The following TRAPPC10 variants were observed in gnomAD, a reference collection of about 807,000 sequenced individuals.
The protein encoded by TRAPPC10 is trafficking protein particle complex subunit 10, also known as TRAPP 130 kDa subunit.
TRAPPC10 carries 23 observed loss-of-function variants against 125.5 expected under a neutral mutation model. The observed-to-expected ratio is 0.18, with a 90% CI of 0.13 to 0.26. TRAPPC10 has a LOEUF of 0.26. Ranked by LOEUF, TRAPPC10 falls within the 10% of genes least tolerant of loss-of-function variation. The pLI, the probability that TRAPPC10 is intolerant of heterozygous loss-of-function variation, is 1.00. For synonymous variants in TRAPPC10, 509 were observed against 518.0 expected, an observed-to-expected ratio of 0.98 and a Z score of 0.24; for missense variants, 1,123 against 1,308.4, an observed-to-expected ratio of 0.86 and a Z score of 2.19.
chr21:44,081,005 CTTTTTTTTTTTCTTTT>C (rs1221476587), intron 13 of TRAPPC10, among the ~76,000 whole-genome samples: 1 of 103,870 alleles, frequency 9.6e-6, no homozygotes, highest in Non-Finnish European at 2.2e-5. Context: ...TATTATTGTT[CTTTTTTTTTTTCTTTT>C]TTTTTTTTTT....
intron 1 of TRAPPC10, among the ~76,000 whole-genome samples, chr21:44,016,718 G>T (rs553824523): frequency 8.5e-4 from 129 of 152,258 alleles, no homozygotes; most frequent in Non-Finnish European, 3.1e-4. Flanking sequence ...GAGTGCAGTG[G>T]TGTGATCTTG....
chr21:44,095,159 C>T (rs1339538261), intron 20 of TRAPPC10, among the ~76,000 whole-genome samples: 1 of 150,972 alleles, frequency 6.6e-6, no homozygotes, highest in African/African-American at 2.4e-5. Context: ...ATTATCTTCC[C>T]ACCTCAGCCT....
intron 7 of TRAPPC10, 67 bp from the exon 8 acceptor site, chr21:44,074,257 T>C: frequency 1.3e-6 from 2 of 1,596,174 alleles, no homozygotes; most frequent in Admixed American, 1.7e-5. Context: ...AGCTAGAGCA[T>C]GTGGGTTTGT....
chr21:44,056,748 C>T (rs575958876), intron 5 of TRAPPC10, among the ~76,000 whole-genome samples: 32 of 152,204 alleles, frequency 2.1e-4, no homozygotes, highest in South Asian at 6.2e-4. Flanking sequence ...GCAACAGCTC[C>T]GGCCTGGTTT....
In TRAPPC10 at chr21:44,030,554, G is replaced by A. The variant is rs142741901; in HGVS notation, c.68-1537G>A. ...GCAATCTTGGCTCACTGCAACCTCC[G>A]CCTTCCGGTTCAAGCGATTCTCCTG... On this transcript the variant is annotated intron_variant, in intron 1 of 22. Transcript: ENST00000291574. 8.2e-4 allele frequency among the ~76,000 whole-genome samples: 125 copies of A among 151,788 alleles called. 2 individuals carry two copies. The East Asian group carries it at 0.018, about 22-fold the overall frequency.
intron 1 of TRAPPC10, among the ~76,000 whole-genome samples, chr21:44,018,962 A>T (rs1019808992): frequency 3.3e-5 from 5 of 152,192 alleles, no homozygotes; most frequent in African/African-American, 1.2e-4. Flanking sequence ...GGTATTGCAC[A>T]CTGATCTCCA....
chr21:44,095,534 G>A (rs1006368997), intron 20 of TRAPPC10, among the ~76,000 whole-genome samples: 8 of 150,926 alleles, frequency 5.3e-5, no homozygotes, highest in Admixed American at 4.0e-4. Context: ...CACTGTGCCC[G>A]GCTAAAGTAT....
chr21:44,094,570 C>G (rs959847625), intron 20 of TRAPPC10, among the ~76,000 whole-genome samples: 1 of 152,172 alleles, frequency 6.6e-6, no homozygotes, highest in African/African-American at 2.4e-5. Context: ...GGAGTCATTT[C>G]ATCTTCAGGG....
At position 44,087,045 on chromosome 21, in the gene TRAPPC10, C is replaced by A; in HGVS notation, c.2539+85C>A. On this transcript the variant is annotated intron_variant, in intron 16 of 22. Coordinates refer to ENST00000291574, the MANE Select transcript of TRAPPC10 (RefSeq NM_003274.5). This position sits in a 1 kb window ranked among gnomAD's most constrained non-coding sequence, Gnocchi z 4.6. Reference sequence around the variant, plus strand: ...TGTGAGGGTGAGCCTGGCCTTGCTGCCATCCTGCTGAGCGCCCCTCAACAG... The same window carrying A: ...TGTGAGGGTGAGCCTGGCCTTGCTGACATCCTGCTGAGCGCCCCTCAACAG... 1 of 1,504,620 alleles carries A rather than the reference C, an allele frequency of 6.6e-7. No homozygotes were observed. The highest frequency in any genetic ancestry group is 9.1e-7 in the Non-Finnish European group (1 of 1,103,844). The allele number at this position is 1,504,620 out of a possible 1,614,324, so 93.2% of individuals were successfully genotyped here. A position where few individuals can be genotyped will look rare whatever the true frequency, so the allele number is the denominator to read the frequency against.
chr21:44,083,305 A>G lies in TRAPPC10; in HGVS notation c.2238+3A>G. On this transcript the variant is annotated splice_donor_region_variant and intron_variant, in intron 14 of 22. Coordinates refer to ENST00000291574, the MANE Select transcript of TRAPPC10 (RefSeq NM_003274.5). ...ACCAGATAACATTCAGGACTCAGGT[A>G]TGCGTTCAGGGTGGGAACTTGACTT... is the stretch of plus-strand genomic sequence containing the variant. 3 of 1,612,078 alleles carry G rather than the reference A, an allele frequency of 1.9e-6. No individual in the cohort carries two copies. The highest frequency in any genetic ancestry group is 1.7e-6 in the Non-Finnish European group (2 of 1,178,724).
At chr21:44,034,291 T>A (rs2033815540) in intron 2 of TRAPPC10, among the ~76,000 whole-genome samples, 1 of 151,938 alleles carries the variant, frequency 6.6e-6, no homozygotes, top group Non-Finnish European at 1.5e-5. Flanking sequence ...TCCCCACTCC[T>A]GTCTGTAGTG....
intron 7 of TRAPPC10, among the ~76,000 whole-genome samples, chr21:44,064,398 G>A (rs867420763): frequency 1.4e-4 from 21 of 151,982 alleles, no homozygotes; most frequent in African/African-American, 4.4e-4. Context: ...CCCAAGCACT[G>A]AACTCTTACT....
intron 1 of TRAPPC10, among the ~76,000 whole-genome samples, chr21:44,017,881 A>C (rs577151712): frequency 1.3e-5 from 2 of 152,124 alleles, no homozygotes; most frequent in Non-Finnish European, 2.9e-5. Context: ...GGGTTCCTAC[A>C]CCACAAGCAT....
chr21:44,060,306 TGCAC>T, intron 6 of TRAPPC10: 1 of 150,448 alleles, frequency 6.6e-6, no homozygotes, highest in Non-Finnish European at 1.5e-5. Context: ...AATGGAGTCT[TGCAC>T]TGTTGCCCAG....
At chr21:44,050,053 A>G (rs981115041) in intron 3 of TRAPPC10, among the ~76,000 whole-genome samples, 3 of 151,368 alleles carry the variant, frequency 2.0e-5, no homozygotes, top group East Asian at 3.9e-4. Context: ...CTATTTTTCT[A>G]TTTTTAGTAG....
At chr21:44,095,678 C>T (rs1036512929) in intron 20 of TRAPPC10, among the ~76,000 whole-genome samples, 1 of 152,130 alleles carries the variant, frequency 6.6e-6, no homozygotes, top group African/African-American at 2.4e-5. Context: ...AATTATCTGC[C>T]TCAGTCTCCG....
At position 44,094,226 on chromosome 21, in the gene TRAPPC10, AT is replaced by A. The variant is rs35152556; in HGVS notation, c.3168del (p.Phe1056LeufsTer6). On this transcript the variant is annotated frameshift_variant, in exon 20 of 23. Coordinates refer to ENST00000291574, the MANE Select transcript of TRAPPC10 (RefSeq NM_003274.5). LOFTEE classifies it high-confidence loss of function. ...TATACTTATGAATTTAAAGTGGAAA[AT>A]TTTTTTGTAAGTGATGTATTATTTT... is the stretch of plus-strand genomic sequence containing the variant. ...KPYTYEFKVE[N>X]FFTLYNVKAE... 1 of 1,605,552 alleles carries A rather than the reference AT, an allele frequency of 6.2e-7. No homozygotes were observed.
rs143008190 is a variant in TRAPPC10, at chr21:44,059,237, C to T, written c.790+23C>T. The T allele has an allele frequency of 2.5e-4, 386 of 1,542,250 alleles. 2 individuals are homozygous for T. The African/African-American group carries it at 3.8e-3, about 15-fold the overall frequency. ...GGGGTGAGTAGTGGCACTTCAGTAA[C>T]GCATGCTTTTCTTAGTGTGGCTTTC... is the stretch of plus-strand genomic sequence containing the variant. On this transcript the variant is annotated intron_variant, in intron 6 of 22. Transcript: ENST00000291574. This position sits in a 1 kb window ranked among gnomAD's most constrained non-coding sequence, Gnocchi z 4.4.
intron 1 of TRAPPC10, among the ~76,000 whole-genome samples, chr21:44,013,748 C>G (rs1012560202): frequency 6.6e-6 from 1 of 152,060 alleles, no homozygotes; most frequent in African/African-American, 2.4e-5. Flanking sequence ...CTACAGAGAC[C>G]TAGACGAGAT....
Sources: allele counts gnomAD v4.1 joint callset (sites outside exome capture counted in the v4.1 genomes callset), GRCh38; gene constraint gnomAD v4.1.1; non-coding constraint Gnocchi (gnomAD v3.1); transcripts MANE v1.5; gene names NCBI Gene and HGNC (gene_info 2026-07-23, HGNC 2026-07-21).